Variants in RNF126 observed in about 807,000 individuals in gnomAD.
The protein encoded by RNF126 is ring finger protein 126.
In RNF126, 20 loss-of-function variants were observed where a neutral mutation model predicts 41.9. The observed-to-expected ratio is 0.48, with a 90% CI of 0.34 to 0.69. RNF126 has a LOEUF of 0.69. RNF126 is among the 30% of genes least tolerant of loss of function. The pLI, the probability that RNF126 is intolerant of heterozygous loss-of-function variation, is 0.01. For missense variants in RNF126, 433 were observed against 460.6 expected (o/e 0.94, Z 0.55); for synonymous variants, 239 against 202.9 (o/e 1.18, Z -1.51).
chr19:649,221 G>GGGGT (rs1555680159), intron 6 of RNF126: 2 of 81,832 alleles, frequency 2.4e-5, no homozygotes, highest in Non-Finnish European at 1.9e-5. Context: ...ACAGCGGAAT[G>GGGGT]GGGGGGGGGG....
chr19:661,731 G>T (rs555789879), intron 1 of RNF126, among the ~76,000 whole-genome samples: 1 of 152,316 alleles, frequency 6.6e-6, no homozygotes, highest in South Asian at 2.1e-4. Context: ...CTTCTGGGGG[G>T]CTTGGACTTC....
chr19:651,104 G>C (rs2030254927), intron 4 of RNF126, among the ~76,000 whole-genome samples: 1 of 147,420 alleles, frequency 6.8e-6, no homozygotes, highest in Admixed American at 6.8e-5. Context: ...GCCAGGAGTA[G>C]GGCCCTGCGA....
chr19:647,960 C>A lies in RNF126; in HGVS notation c.*168G>T. 1.2e-6 allele frequency: 1 copy of A among 847,568 alleles called. No individual in the cohort carries two copies. Among genetic ancestry groups the A allele is most frequent in the South Asian group, 1.8e-5 (1 of 55,560 alleles). The allele number at this position is 847,568 out of a possible 1,614,324, so 52.5% of individuals were successfully genotyped here. A position where few individuals can be genotyped will look rare whatever the true frequency, so the allele number is the denominator to read the frequency against. On this transcript the variant is annotated 3_prime_UTR_variant, in exon 9 of 9. Coordinates refer to ENST00000292363, the MANE Select transcript of RNF126 (RefSeq NM_194460.3). ...ACCATGTGGCCCACGCCTTCCCAAG[C>A]CAGGGGGCCGGTGGGCCGGGCCCGG...
At chr19:656,923 C>G (rs537211260) in intron 1 of RNF126, among the ~76,000 whole-genome samples, 1 of 152,200 alleles carries the variant, frequency 6.6e-6, no homozygotes, top group African/African-American at 2.4e-5. Context: ...CGCCCGCCAG[C>G]TGACCGGGAG....
intron 2 of RNF126, chr19:652,602 G>C: frequency 1.6e-6 from 1 of 608,964 alleles, no homozygotes; most frequent in Non-Finnish European, 2.9e-6. Context: ...TGAGGGAGGT[G>C]AGCGGCTGCA....
At chr19:649,229 G>GT in intron 6 of RNF126, 1 of 258,478 alleles carries the variant, frequency 3.9e-6, no homozygotes, top group East Asian at 9.6e-5. Context: ...ATGGGGGGGG[G>GT]GGCCGCGCTC....
At chr19:654,828 G>A (rs144257905) in intron 1 of RNF126, among the ~76,000 whole-genome samples, 1,729 of 151,874 alleles carry the variant, frequency 0.011, 28 homozygotes, top group African/African-American at 0.038. Flanking sequence ...TTAGCCAGGC[G>A]TGGTGGCACG....
intron 3 of RNF126, 59 bp downstream of exon 3, chr19:652,174 C>A (rs191650250): frequency 1.5e-6 from 2 of 1,354,114 alleles, no homozygotes; most frequent in South Asian, 1.5e-5. Context: ...GACAGGCTGG[C>A]GCTCGGGGCC....
chr19:651,417 C>G, intron 4 of RNF126, 194 bp downstream of exon 4: 2 of 492,770 alleles, frequency 4.1e-6, no homozygotes, highest in South Asian at 4.1e-5. Flanking sequence ...ACCCACACAC[C>G]CTGAACCGGC....
rs1170988588 is a variant in RNF126, at chr19:659,621, T to C, written c.75+3426A>G. On this transcript the variant is annotated intron_variant, in intron 1 of 8. Transcript: ENST00000292363. The surrounding 1 kb of genome is among the most constrained non-coding windows in gnomAD (Gnocchi z 4.9). ...ACCCTACAGTCACAGCTCCAGTCAGTGCCTCCTCAGCAGGCTCGAGTCTGG... is the reference window on the plus strand; with the variant it reads ...ACCCTACAGTCACAGCTCCAGTCAGCGCCTCCTCAGCAGGCTCGAGTCTGG... Among the ~76,000 whole-genome samples, 1 of 152,112 alleles carries C rather than the reference T, an allele frequency of 6.6e-6. No homozygotes were observed. Among genetic ancestry groups the C allele is most frequent in the African/African-American group, 2.4e-5 (1 of 41,426 alleles).
chr19:661,356 C>A (rs985550056), intron 1 of RNF126: 1 of 152,436 alleles, frequency 6.6e-6, no homozygotes, highest in Non-Finnish European at 1.5e-5. Flanking sequence ...TGCAACTCAC[C>A]CAGGCTGGCG....
At chr19:653,678 G>T (rs2030431618) in intron 1 of RNF126, among the ~76,000 whole-genome samples, 1 of 152,324 alleles carries the variant, frequency 6.6e-6, no homozygotes, top group Non-Finnish European at 1.5e-5. Context: ...AAACGTGCAT[G>T]GTGCCTCCCG....
rs1027775646 is a variant in RNF126 at position 651,839 on chromosome 19, A to G, written c.215T>C (p.Leu72Pro). The change falls in exon 4 of 9, where the codon CTG (leucine) becomes CCG (proline). Residue 72 changes from leucine to proline, a missense_variant. Physicochemically the swap from Leu to Pro is moderately conservative, Grantham distance 98. Around this residue, in one of 5 missense-constraint regions of RNF126, gnomAD observed 247 missense variants for 224.7 expected, o/e 1.10. Coordinates refer to ENST00000292363, the MANE Select transcript of RNF126 (RefSeq NM_194460.3). ...RPPLEHVDQH[L>P]FTLPQGYGQF... ...TCCGTAGCCCTGCGGCAGCGTGAACAGGTGCTGGTCCACGTGCTGGGGAGA... is the reference window on the plus strand; with the variant it reads ...TCCGTAGCCCTGCGGCAGCGTGAACGGGTGCTGGTCCACGTGCTGGGGAGA... The G allele has an allele frequency of 1.9e-6, 3 of 1,610,672 alleles. No homozygotes were observed. The highest frequency in any genetic ancestry group is 1.1e-5 in the South Asian group (1 of 90,922).
Position 651,792 on chromosome 19 carries a change from C to G in RNF126, c.262G>C (p.Asp88His). The change falls in exon 4 of 9, where the codon GAT becomes CAT. Residue 88 changes from aspartate to histidine, a missense_variant. Coordinates refer to ENST00000292363, the MANE Select transcript of RNF126 (RefSeq NM_194460.3). ...AACGTGGGGATCTCGAAGCTGTCAT[C>G]GAAGATGCCGAAAGCAAACTGTCCG... ...GYGQFAFGIFDDSFEIPTFPP... is the reference protein window; with the variant it reads ...GYGQFAFGIFHDSFEIPTFPP... 6.2e-7 allele frequency: 1 copy of G among 1,612,736 alleles called. No homozygotes were observed. The highest frequency in any genetic ancestry group is 8.5e-7 in the Non-Finnish European group (1 of 1,179,858).
intron 1 of RNF126, among the ~76,000 whole-genome samples, chr19:661,849 C>T (rs1415655895): frequency 6.6e-6 from 1 of 152,200 alleles, no homozygotes. Flanking sequence ...AGTCCAGACC[C>T]CTCCACCTCC....
At chr19:653,782 G>T (rs1041058776) in intron 1 of RNF126, among the ~76,000 whole-genome samples, 1 of 152,196 alleles carries the variant, frequency 6.6e-6, no homozygotes, top group Non-Finnish European at 1.5e-5. Flanking sequence ...CTCTATGAAC[G>T]ACCCAGTCTC....
chr19:648,950 C>A lies in RNF126; in HGVS notation c.602G>T (p.Gly201Val). Reference sequence around the variant, plus strand: ...TTTCTCTTTATCTGCCGGTGGGGGGCCTGTGTTTTCAAACTGATTGAGGAG... The same window carrying A: ...TTTCTCTTTATCTGCCGGTGGGGGGACTGTGTTTTCAAACTGATTGAGGAG... ...TQLLNQFENT[G>V]PPPADKEKIQ... The change falls in exon 7 of 9, where the codon GGC becomes GTC. Residue 201 changes from glycine to valine, a missense_variant. Physicochemically the swap from Gly to Val is moderately radical, Grantham distance 109. Coordinates refer to ENST00000292363, the MANE Select transcript of RNF126 (RefSeq NM_194460.3). 1 of 1,425,342 alleles carries A rather than the reference C, an allele frequency of 7.0e-7. No individual in the cohort carries two copies. Among genetic ancestry groups the A allele is most frequent in the Non-Finnish European group, 9.2e-7 (1 of 1,088,542 alleles). 88.3% of individuals were successfully genotyped at this position (1,425,342 alleles called of 1,614,324 possible).
In RNF126 at chr19:648,861, C is replaced by T. The variant is rs199596659; in HGVS notation, c.670+21G>A. On this transcript the variant is annotated intron_variant, in intron 7 of 8. Coordinates refer to ENST00000292363, the MANE Select transcript of RNF126 (RefSeq NM_194460.3). Reference sequence around the variant, plus strand: ...GCGGGTGCCTGTAATTCCCACTACTCGGGAGGCTGAGCTCTCATACCTACG... The same window carrying T: ...GCGGGTGCCTGTAATTCCCACTACTTGGGAGGCTGAGCTCTCATACCTACG... 57 of 1,393,712 alleles carry T rather than the reference C, an allele frequency of 4.1e-5. No homozygotes were observed. In the African/African-American group the frequency reaches 5.8e-4, roughly 14 times the overall value. The allele number at this position is 1,393,712 out of a possible 1,614,324, so 86.3% of individuals were successfully genotyped here. A position where few individuals can be genotyped will look rare whatever the true frequency, so the allele number is the denominator to read the frequency against.
rs1600625025 is a variant in RNF126, at chr19:647,934, G to A, written c.*194C>T. 1 of 661,502 alleles carries A rather than the reference G, an allele frequency of 1.5e-6. No individual in the cohort carries two copies. Among genetic ancestry groups the A allele is most frequent in the Non-Finnish European group, 2.6e-6 (1 of 389,484 alleles). The allele number at this position is 661,502 out of a possible 1,614,324, so 41.0% of individuals were successfully genotyped here. ...GGGAGGCTGGGGACGCCCCAGAGGG[G>A]ACCATGTGGCCCACGCCTTCCCAAG... On this transcript the variant is annotated 3_prime_UTR_variant, in exon 9 of 9. Coordinates refer to ENST00000292363, the MANE Select transcript of RNF126 (RefSeq NM_194460.3).
Sources: allele counts gnomAD v4.1 joint callset (sites outside exome capture counted in the v4.1 genomes callset), GRCh38; gene constraint gnomAD v4.1.1; regional missense constraint gnomAD v4.1.1; non-coding constraint Gnocchi (gnomAD v3.1); transcripts MANE v1.5; gene names NCBI Gene and HGNC (gene_info 2026-07-23, HGNC 2026-07-21).